GGACT: variants seen among roughly 807,000 people sequenced by gnomAD.
The protein encoded by GGACT is gamma-glutamylaminecyclotransferase.
For missense variants in GGACT, 241 were observed against 233.2 expected (o/e 1.03, Z -0.22); for synonymous variants, 118 against 115.3 (o/e 1.02, Z -0.15).
chr13:100,547,755 G>C (rs1219059212), intron 2 of GGACT, among the ~76,000 whole-genome samples: 1 of 152,220 alleles, frequency 6.6e-6, no homozygotes, highest in Non-Finnish European at 1.5e-5. Context: ...TGGCAGCAGG[G>C]TCAAGGTCGA....
At chr13:100,579,632 G>C (rs547700806) in intron 2 of GGACT, among the ~76,000 whole-genome samples, 2 of 152,272 alleles carry the variant, frequency 1.3e-5, no homozygotes, top group African/African-American at 2.4e-5. Context: ...AGGCCAAGAA[G>C]AACCTGAGGA....
At chr13:100,585,822 C>CAAAAAAA (rs550006144) in intron 1 of GGACT, among the ~76,000 whole-genome samples, 297 of 29,548 alleles carry the variant, frequency 0.01, 54 homozygotes, top group Non-Finnish European at 0.018. Context: ...CTGTCTCCAC[C>CAAAAAAA]AAAAAAAAAA....
At chr13:100,581,289 G>A (rs1052981823) in intron 2 of GGACT, among the ~76,000 whole-genome samples, 1 of 152,170 alleles carries the variant, frequency 6.6e-6, no homozygotes, top group African/African-American at 2.4e-5. Flanking sequence ...AGAAACGGCT[G>A]AACCTAAGAC....
intron 2 of GGACT, among the ~76,000 whole-genome samples, chr13:100,577,462 G>T (rs1566539354): frequency 3.4e-5 from 4 of 118,662 alleles, no homozygotes; most frequent in South Asian, 3.3e-4. Flanking sequence ...AAAAGAAAAA[G>T]AAAGGAAATT....
At chr13:100,584,362 A>G (rs1474872986) in intron 1 of GGACT, among the ~76,000 whole-genome samples, 2 of 152,206 alleles carry the variant, frequency 1.3e-5, no homozygotes, top group African/African-American at 4.8e-5. Flanking sequence ...GTGACGTGAA[A>G]TAACCCAGAC....
At chr13:100,587,350 C>A (rs1875610417) in intron 1 of GGACT, among the ~76,000 whole-genome samples, 1 of 152,192 alleles carries the variant, frequency 6.6e-6, no homozygotes, top group African/African-American at 2.4e-5. Flanking sequence ...GTAGTTAGGG[C>A]CTGGTTAGTA....
chr13:100,555,453 C>A (rs1039068270), intron 2 of GGACT, among the ~76,000 whole-genome samples: 1 of 152,010 alleles, frequency 6.6e-6, no homozygotes, highest in African/African-American at 2.4e-5. Flanking sequence ...TCACCTGAGC[C>A]CAGGAGGTCG....
chr13:100,570,885 T>G (rs540887929), intron 2 of GGACT, among the ~76,000 whole-genome samples: 1 of 152,210 alleles, frequency 6.6e-6, no homozygotes, highest in African/African-American at 2.4e-5. Context: ...CCTGCTCAGA[T>G]GATGTATCGC....
In GGACT at chr13:100,534,744, T is replaced by G. The variant is rs1269693839; in HGVS notation, c.-10-2143A>C. 1.3e-5 allele frequency among the ~76,000 whole-genome samples: 2 copies of G among 151,924 alleles called. No individual in the cohort carries two copies. The highest frequency in any genetic ancestry group is 2.9e-5 in the Non-Finnish European group (2 of 67,976). On this transcript the variant is annotated intron_variant, in intron 2 of 2. Coordinates refer to ENST00000683975, the MANE Select transcript of GGACT (RefSeq NM_001195087.2). The surrounding 1 kb of genome is among the most constrained non-coding windows in gnomAD (Gnocchi z 4.9). ...TGCCACGTCTCCCAACCTGCTCTCCTCCTCCAATGCCTGCCTGCATCCCTG... is the reference window on the plus strand; with the variant it reads ...TGCCACGTCTCCCAACCTGCTCTCCGCCTCCAATGCCTGCCTGCATCCCTG...
At chr13:100,551,763 T>G (rs1465601318) in intron 2 of GGACT, among the ~76,000 whole-genome samples, 1 of 152,232 alleles carries the variant, frequency 6.6e-6, no homozygotes, top group African/African-American at 2.4e-5. Flanking sequence ...TTAAAATTCA[T>G]GCAAATTTGG....
chr13:100,566,497 C>T (rs181304859), intron 2 of GGACT, among the ~76,000 whole-genome samples: 29 of 152,356 alleles, frequency 1.9e-4, no homozygotes, highest in Middle Eastern at 3.4e-3. Flanking sequence ...TGTCTCTCAC[C>T]GTGAGCCCTA....
At chr13:100,584,976 C>G (rs1875524244) in intron 1 of GGACT, among the ~76,000 whole-genome samples, 1 of 152,068 alleles carries the variant, frequency 6.6e-6, no homozygotes. Flanking sequence ...TCTTTAAAGT[C>G]AGATAAATTT....
rs2088369782 is a variant in GGACT at position 100,531,250 on chromosome 13, A to T, written c.*880T>A. 1 of 126,964 alleles carries T rather than the reference A, an allele frequency of 7.9e-6. No individual in the cohort carries two copies. Among genetic ancestry groups the T allele is most frequent in the Non-Finnish European group, 1.7e-5 (1 of 59,916 alleles). The allele number at this position is 126,964 out of a possible 1,614,324, so 7.9% of individuals were successfully genotyped here. On this transcript the variant is annotated 3_prime_UTR_variant, in exon 3 of 3. Transcript: ENST00000683975. ...AATTGGTACTTCGTGCCTTGCTAAA[A>T]TTATTTTAAGTGCTGTTTGTATTTG...
rs2088406894 is a variant in GGACT, at chr13:100,532,214, C to T, written c.378G>A (p.Pro126=). 2 of 1,482,458 alleles carry T rather than the reference C, an allele frequency of 1.3e-6. No individual in the cohort carries two copies. The highest frequency in any genetic ancestry group is 2.5e-5 in the East Asian group (1 of 40,126). 91.8% of individuals were successfully genotyped at this position (1,482,458 alleles called of 1,614,324 possible). A position where few individuals can be genotyped will look rare whatever the true frequency, so the allele number is the denominator to read the frequency against. ...CATGGTGCGGGAGCTGGGCCCACTC[C>T]GGCGGGAAGGTGGCCCTGCTGTACA... is the stretch of plus-strand genomic sequence containing the variant. ...CFVYSRATFP[P]EWAQLPHHDS... is the part of the protein sequence containing the mutation. Residue 126 remains proline, a synonymous_variant, in exon 3 of 3, where the codon CCG becomes CCA. Coordinates refer to ENST00000683975, the MANE Select transcript of GGACT (RefSeq NM_001195087.2).
chr13:100,567,753 A>C (rs1354529755), intron 2 of GGACT, among the ~76,000 whole-genome samples: 1 of 152,182 alleles, frequency 6.6e-6, no homozygotes, highest in Non-Finnish European at 1.5e-5. Context: ...ACACAAACAC[A>C]CACAACCCAA....
chr13:100,538,973 T>A (rs991164529), intron 2 of GGACT: 6 of 152,262 alleles, frequency 3.9e-5, no homozygotes, highest in African/African-American at 1.4e-4. Flanking sequence ...TTATTCTTTT[T>A]GATGCTATCA....
At position 100,577,313 on chromosome 13, in the gene GGACT, G is replaced by A. The variant is rs575972617; in HGVS notation, c.-11+6512C>T. On this transcript the variant is annotated intron_variant, in intron 2 of 2. Coordinates refer to ENST00000683975, the MANE Select transcript of GGACT (RefSeq NM_001195087.2). ...TGCCTGTAATCCCAGCTACTCGGGA[G>A]GCTAAGGCAGGAGAATCACTTGAAC... 2.6e-5 allele frequency among the ~76,000 whole-genome samples: 4 copies of A among 152,118 alleles called. No individual in the cohort carries two copies. The East Asian group carries it at 7.7e-4, about 29-fold the overall frequency.
At chr13:100,542,866 C>G (rs1009354879) in intron 2 of GGACT, among the ~76,000 whole-genome samples, 10 of 152,196 alleles carry the variant, frequency 6.6e-5, no homozygotes, top group Admixed American at 5.2e-4. Context: ...CCTGAAATGC[C>G]TGTCACTTAT....
At chr13:100,587,553 T>C (rs1439855752) in intron 1 of GGACT, among the ~76,000 whole-genome samples, 1 of 152,244 alleles carries the variant, frequency 6.6e-6, no homozygotes. Flanking sequence ...AAACTGCAGG[T>C]GCTCTTCATC....
Sources: allele counts gnomAD v4.1 joint callset (sites outside exome capture counted in the v4.1 genomes callset), GRCh38; gene constraint gnomAD v4.1.1; non-coding constraint Gnocchi (gnomAD v3.1); transcripts MANE v1.5; gene names NCBI Gene and HGNC (gene_info 2026-07-23, HGNC 2026-07-21).